FAM124A: variants seen among roughly 807,000 people sequenced by gnomAD.
FAM124A encodes the protein protein FAM124A.
In FAM124A, 23 loss-of-function variants were observed where a neutral mutation model predicts 24.5. That is an observed-to-expected ratio of 0.94 (90% CI 0.68 to 1.33). FAM124A has a LOEUF of 1.33. Among genes scored for constraint, FAM124A ranks in the 40% most tolerant of loss-of-function variants. The pLI is 0.00. For synonymous variants in FAM124A, 287 were observed against 314.7 expected (o/e 0.91, Z 0.93); for missense variants, 623 against 722.8 (o/e 0.86, Z 1.58).
chr13:51,255,638 A>C (rs1954667213), intron 3 of FAM124A, among the ~76,000 whole-genome samples: 1 of 152,182 alleles, frequency 6.6e-6, no homozygotes, highest in Non-Finnish European at 1.5e-5. Context: ...CCAGCATCTC[A>C]CATGCTCAGT....
intron 3 of FAM124A, among the ~76,000 whole-genome samples, chr13:51,273,754 A>C (rs1954861087): frequency 6.6e-6 from 1 of 152,222 alleles, no homozygotes; most frequent in South Asian, 2.1e-4. Flanking sequence ...TAAGAATGAG[A>C]TTTTTAACCT....
intron 2 of FAM124A, among the ~76,000 whole-genome samples, chr13:51,250,687 G>A (rs189075078): frequency 1.7e-4 from 26 of 152,332 alleles, no homozygotes; most frequent in African/African-American, 6.0e-4. Context: ...GGCAGTCATG[G>A]TCTCACCCTG....
At chr13:51,277,771 C>T (rs916462518) in intron 3 of FAM124A, among the ~76,000 whole-genome samples, 16 of 151,982 alleles carry the variant, frequency 1.1e-4, no homozygotes, top group African/African-American at 2.4e-4. Flanking sequence ...TCCATCCTGG[C>T]GACAGAGCGA....
At chr13:51,246,346 C>T (rs990216460) in intron 2 of FAM124A, among the ~76,000 whole-genome samples, 1 of 149,730 alleles carries the variant, frequency 6.7e-6, no homozygotes, top group Non-Finnish European at 1.5e-5. Context: ...ATTTTCTGTC[C>T]TTCCCCTCAA....
intron 1 of FAM124A, among the ~76,000 whole-genome samples, chr13:51,225,532 C>A (rs1252214125): frequency 6.6e-6 from 1 of 151,968 alleles, no homozygotes. Context: ...GATAAAGGAG[C>A]CTGAGAAAGA....
At chr13:51,263,040 C>T (rs190826993) in intron 3 of FAM124A, among the ~76,000 whole-genome samples, 2 of 152,344 alleles carry the variant, frequency 1.3e-5, no homozygotes, top group East Asian at 3.9e-4. Flanking sequence ...GGCTACGGGC[C>T]CTTAGTGGGG....
chr13:51,242,725 G>A (rs1010587901), intron 2 of FAM124A, among the ~76,000 whole-genome samples: 2 of 151,922 alleles, frequency 1.3e-5, no homozygotes, highest in Non-Finnish European at 2.9e-5. Context: ...AAAAAAAACC[G>A]GCAGGGTATC....
rs1200193561 is a variant in FAM124A, at chr13:51,251,183, T to C, written c.101-285T>C. Among the ~76,000 whole-genome samples, 1 of 152,174 alleles carries C rather than the reference T, an allele frequency of 6.6e-6. No homozygotes were observed. The highest frequency in any genetic ancestry group is 1.5e-5 in the Non-Finnish European group (1 of 68,018). On this transcript the variant is annotated intron_variant, in intron 2 of 3. Coordinates refer to ENST00000322475, the MANE Select transcript of FAM124A (RefSeq NM_001242312.2). The surrounding 1 kb of genome is among the most constrained non-coding windows in gnomAD (Gnocchi z 5.3). ...GATACGTAAATATAAAGTCAAATGT[T>C]CCCTATACCAACCAACCTGATGAAA...
chr13:51,222,871 T>A (rs1954275875), intron 1 of FAM124A, among the ~76,000 whole-genome samples: 1 of 152,174 alleles, frequency 6.6e-6, no homozygotes, highest in African/African-American at 2.4e-5. Context: ...CAGGAGATGC[T>A]CTTGCACTTG....
In FAM124A at chr13:51,282,965, T is replaced by C. The variant is rs1295202810; in HGVS notation, c.*1709T>C. On this transcript the variant is annotated 3_prime_UTR_variant, in exon 4 of 4. Coordinates refer to ENST00000322475, the MANE Select transcript of FAM124A (RefSeq NM_001242312.2). ...CAGTCATATGGTCTCTTGCAGCTAC[T>C]CAACTCTGCCACTGTAGTATGAAAG... 2 of 152,192 alleles carry C rather than the reference T, an allele frequency of 1.3e-5. No individual in the cohort carries two copies. The highest frequency in any genetic ancestry group is 2.4e-5 in the African/African-American group (1 of 41,440). The allele number at this position is 152,192 out of a possible 1,614,324, so 9.4% of individuals were successfully genotyped here.
intron 1 of FAM124A, among the ~76,000 whole-genome samples, chr13:51,230,837 A>G (rs1954368244): frequency 6.6e-6 from 1 of 152,082 alleles, no homozygotes; most frequent in African/African-American, 2.4e-5. Context: ...TGGAAATATC[A>G]TTGTGCCTTT....
Position 51,257,049 on chromosome 13 carries a change from T to C in FAM124A, c.834+4848T>C, listed in dbSNP as rs141319591. On this transcript the variant is annotated intron_variant, in intron 3 of 3. Coordinates refer to ENST00000322475, the MANE Select transcript of FAM124A (RefSeq NM_001242312.2). ...TCCTTTAAGGCTGAATAATATTCCA[T>C]TGCAGGAATATGATAGATTTTTCAT... Among the ~76,000 whole-genome samples the C allele has an allele frequency of 3.4e-3, 512 of 152,344 alleles. 2 individuals carry two copies. The highest frequency in any genetic ancestry group is 4.7e-3 in the Non-Finnish European group (320 of 68,028).
intron 2 of FAM124A, chr13:51,245,309 C>A: frequency 1.5e-6 from 1 of 667,342 alleles, no homozygotes. Flanking sequence ...TTTTATTATG[C>A]AGATGGATTC....
chr13:51,223,507 G>A (rs1954283688), intron 1 of FAM124A, among the ~76,000 whole-genome samples: 1 of 152,136 alleles, frequency 6.6e-6, no homozygotes, highest in African/African-American at 2.4e-5. Context: ...ATTCCTGGAA[G>A]GTCGGAGAGG....
chr13:51,277,242 C>T (rs1954893773), intron 3 of FAM124A, among the ~76,000 whole-genome samples: 1 of 150,850 alleles, frequency 6.6e-6, no homozygotes, highest in Non-Finnish European at 1.5e-5. Context: ...AGTCAAATAC[C>T]ACATGTTCTC....
At chr13:51,244,730 G>C (rs1954536998) in intron 2 of FAM124A, among the ~76,000 whole-genome samples, 1 of 152,130 alleles carries the variant, frequency 6.6e-6, no homozygotes, top group Non-Finnish European at 1.5e-5. Context: ...TGGTTGTGAG[G>C]GGCCCTGGCG....
At chr13:51,249,824 T>A (rs185068438) in intron 2 of FAM124A, among the ~76,000 whole-genome samples, 55 of 152,372 alleles carry the variant, frequency 3.6e-4, no homozygotes, top group Admixed American at 9.1e-4. Flanking sequence ...TCTCATCTTA[T>A]GGGCTTATGG....
chr13:51,250,870 A>C (rs1210635005), intron 2 of FAM124A, among the ~76,000 whole-genome samples: 2 of 152,246 alleles, frequency 1.3e-5, no homozygotes. Context: ...TGACCTGTCT[A>C]TAGAGTAAGC....
chr13:51,252,134 C>T lies in FAM124A; in HGVS notation c.767C>T (p.Pro256Leu). The change falls in exon 3 of 4, where the codon CCT (proline) becomes CTT (leucine). Residue 256 changes from proline (P) to leucine (L), a missense_variant. Physicochemically the swap from Pro to Leu is moderately conservative, Grantham distance 98. Transcript: ENST00000322475. ...IGELVPLLPN[P>L]CSPISEGRWQ... is the part of the protein sequence containing the mutation. ...GAGCTCGTGCCTCTCCTGCCCAACC[C>T]TTGCAGCCCCATCAGCGAGGGGCGC... The T allele has an allele frequency of 1.9e-6, 3 of 1,613,988 alleles. No individual in the cohort carries two copies. Among genetic ancestry groups the T allele is most frequent in the South Asian group, 1.1e-5 (1 of 91,086 alleles).
Sources: allele counts gnomAD v4.1 joint callset (sites outside exome capture counted in the v4.1 genomes callset), GRCh38; gene constraint gnomAD v4.1.1; non-coding constraint Gnocchi (gnomAD v3.1); transcripts MANE v1.5; gene names NCBI Gene and HGNC (gene_info 2026-07-23, HGNC 2026-07-21).